Variants in ATF6 observed in about 807,000 individuals in gnomAD.
ATF6 encodes cyclic AMP-dependent transcription factor ATF-6 alpha.
ATF6 carries 53 observed loss-of-function variants against 83.6 expected under a neutral mutation model. The ratio of observed to expected loss-of-function variants is 0.63; its 90% CI spans 0.51 to 0.80. The LOEUF is 0.80. ATF6 is among the 30% of genes least tolerant of loss of function. The pLI is 0.00. For missense variants in ATF6, 744 were observed against 797.9 expected (o/e 0.93, Z 0.81); for synonymous variants, 288 against 285.8 (o/e 1.01, Z -0.08).
intron 7 of ATF6, among the ~76,000 whole-genome samples, chr1:161,813,114 A>G (rs1376637059): frequency 6.6e-6 from 1 of 152,122 alleles, no homozygotes. Flanking sequence ...AAAAAGAACA[A>G]ATTACCCAAG....
chr1:161,944,384 G>A (rs1688707663), intron 15 of ATF6, among the ~76,000 whole-genome samples: 2 of 152,166 alleles, frequency 1.3e-5, no homozygotes, highest in Non-Finnish European at 2.9e-5. Flanking sequence ...TGTCCACAAT[G>A]AAGGGACCAT....
intron 15 of ATF6, among the ~76,000 whole-genome samples, chr1:161,950,631 A>G (rs943224807): frequency 6.6e-6 from 1 of 152,208 alleles, no homozygotes; most frequent in Non-Finnish European, 1.5e-5. Context: ...TGATGACCCC[A>G]GGCTAAACCT....
At chr1:161,928,160 C>A (rs1407090677) in intron 15 of ATF6, among the ~76,000 whole-genome samples, 1 of 152,186 alleles carries the variant, frequency 6.6e-6, no homozygotes, top group Non-Finnish European at 1.5e-5. Context: ...AGAACCACAA[C>A]TGAACTTTCT....
intron 15 of ATF6, among the ~76,000 whole-genome samples, chr1:161,955,951 A>G (rs1397394538): frequency 6.6e-6 from 1 of 152,166 alleles, no homozygotes; most frequent in African/African-American, 2.4e-5. Flanking sequence ...TAAGATGACA[A>G]TGCCATTCCA....
At chr1:161,833,773 C>T (rs1304879326) in intron 9 of ATF6, among the ~76,000 whole-genome samples, 3 of 152,116 alleles carry the variant, frequency 2.0e-5, no homozygotes, top group African/African-American at 2.4e-5. Context: ...ACCAAATCTA[C>T]GTCTAATTGG....
rs2070150 is a variant in ATF6, at chr1:161,791,486, G to C, written c.433G>C (p.Ala145Pro). The change falls in exon 5 of 16, where the codon GCG becomes CCG. Residue 145 changes from alanine to proline, a missense_variant. Physicochemically the swap from Ala to Pro is conservative, Grantham distance 27 (BLOSUM62 -1). Transcript: ENST00000367942. Reference sequence around the variant, plus strand: ...TGAAAACTCTAATAGTCTCTCTTCAGCGGAGCCACTGAAGGAAGATAAGCC... The same window carrying C: ...TGAAAACTCTAATAGTCTCTCTTCACCGGAGCCACTGAAGGAAGATAAGCC... ...YGENSNSLSSAEPLKEDKPVT... is the reference protein window; with the variant it reads ...YGENSNSLSSPEPLKEDKPVT... 0.09 allele frequency: 145,362 copies of C among 1,611,170 alleles called. 12,011 individuals are homozygous for C. Among genetic ancestry groups the C allele is most frequent in the Admixed American group, 0.39 (23,060 of 59,836 alleles).
rs781537056 is a variant in ATF6, at chr1:161,848,932, CT to C, written c.1319+2367del. On this transcript the variant is annotated intron_variant, in intron 10 of 15. Coordinates refer to ENST00000367942, the MANE Select transcript of ATF6 (RefSeq NM_007348.4). ...TTGTCCTGGTATTTCTCCTATCAGA[CT>C]TTTTTTTTTTTTTTCCAAAGAATAT... Among the ~76,000 whole-genome samples the C allele has an allele frequency of 3.2e-3, 449 of 140,060 alleles. 1 individual carries two copies. Among genetic ancestry groups the C allele is most frequent in the South Asian group, 0.011 (49 of 4,406 alleles). 91.9% of individuals were successfully genotyped at this position (140,060 alleles called of 152,430 possible). A position where few individuals can be genotyped will look rare whatever the true frequency, so the allele number is the denominator to read the frequency against.
rs139295487 is a variant in ATF6, at chr1:161,938,285, T to C, written c.1805-20161T>C. ...AATTATAGGGCTCTTTTGGCTAGTGTCAAGTATAGATTTGCGTTTTGGACT... is the reference window on the plus strand; with the variant it reads ...AATTATAGGGCTCTTTTGGCTAGTGCCAAGTATAGATTTGCGTTTTGGACT... On this transcript the variant is annotated intron_variant, in intron 15 of 15. Transcript: ENST00000367942. Among the ~76,000 whole-genome samples, 254 of 152,342 alleles carry C rather than the reference T, an allele frequency of 1.7e-3. 1 individual carries two copies. The highest frequency in any genetic ancestry group is 0.015 in the Admixed American group (229 of 15,300).
rs183786059 is a variant in ATF6, at chr1:161,830,646, C to T, written c.1187+9485C>T. 9.8e-3 allele frequency among the ~76,000 whole-genome samples: 1,496 copies of T among 152,288 alleles called. 8 individuals carry two copies. Among genetic ancestry groups the T allele is most frequent in the South Asian group, 0.017 (83 of 4,824 alleles). On this transcript the variant is annotated intron_variant, in intron 9 of 15. Coordinates refer to ENST00000367942, the MANE Select transcript of ATF6 (RefSeq NM_007348.4). The stretch of plus-strand genomic sequence containing the variant: ...CAGAGCCCTCAGAAATAATACCACA[C>T]GTCTACAACCATCTGATCTTTGACA...
intron 12 of ATF6, 142 bp downstream of exon 12, chr1:161,853,465 A>G (rs918815138): frequency 1.0e-5 from 7 of 681,462 alleles, no homozygotes; most frequent in African/African-American, 5.5e-5. Context: ...CGATGCAGCT[A>G]TCATTGCCAC....
intron 9 of ATF6, among the ~76,000 whole-genome samples, chr1:161,826,053 A>G (rs960279440): frequency 6.6e-6 from 1 of 152,168 alleles, no homozygotes; most frequent in African/African-American, 2.4e-5. Context: ...AAAACCAAAT[A>G]TATTATTTCT....
intron 1 of ATF6, among the ~76,000 whole-genome samples, chr1:161,767,757 C>T (rs368253737): frequency 6.6e-5 from 10 of 152,316 alleles, no homozygotes; most frequent in Admixed American, 2.0e-4. Flanking sequence ...TTTATTCTTC[C>T]TAAGATCCCT....
intron 14 of ATF6, among the ~76,000 whole-genome samples, chr1:161,900,538 A>C (rs528154001): frequency 1.4e-4 from 21 of 152,294 alleles, no homozygotes; most frequent in African/African-American, 4.6e-4. Flanking sequence ...CTAGAAGTCT[A>C]AAAACCAAAC....
intron 14 of ATF6, among the ~76,000 whole-genome samples, chr1:161,894,078 G>T (rs555042545): frequency 6.6e-6 from 1 of 152,048 alleles, no homozygotes; most frequent in African/African-American, 2.4e-5. Context: ...CCCCTTTCTT[G>T]CAAATGGTTG....
At chr1:161,946,948 T>C (rs1688759477) in intron 15 of ATF6, among the ~76,000 whole-genome samples, 1 of 152,228 alleles carries the variant, frequency 6.6e-6, no homozygotes, top group African/African-American at 2.4e-5. Context: ...TGTTCAATTT[T>C]CTAAAATACC....
chr1:161,938,878 A>G (rs1688588912), intron 15 of ATF6, among the ~76,000 whole-genome samples: 1 of 151,992 alleles, frequency 6.6e-6, no homozygotes. Flanking sequence ...TGATAATAAT[A>G]GTGCTCACTT....
rs184059742 is a variant in ATF6, at chr1:161,790,462, A to G, written c.355-946A>G. The stretch of plus-strand genomic sequence containing the variant: ...TATTAAAAGACTTTGGGAAAATGCG[A>G]ATGTTATCTTTATGTATCTCAATCA... On this transcript the variant is annotated intron_variant, in intron 4 of 15. Coordinates refer to ENST00000367942, the MANE Select transcript of ATF6 (RefSeq NM_007348.4). 2.5e-4 allele frequency among the ~76,000 whole-genome samples: 38 copies of G among 152,260 alleles called. No individual in the cohort carries two copies. The East Asian group carries it at 7.1e-3, about 29-fold the overall frequency.
At position 161,791,405 on chromosome 1, in the gene ATF6, C is replaced by T. The variant is rs367620692; in HGVS notation, c.355-3C>T. On this transcript the variant is annotated splice_polypyrimidine_tract_variant and splice_region_variant and intron_variant, in intron 4 of 15. Coordinates refer to ENST00000367942, the MANE Select transcript of ATF6 (RefSeq NM_007348.4). ...ATTAATTTTTGTTTTTATTATGCTA[C>T]AGGAGGAGTTGGATTTGTCTTCTAG... 6.2e-5 allele frequency: 100 copies of T among 1,603,878 alleles called. No individual in the cohort carries two copies. Among genetic ancestry groups the T allele is most frequent in the Non-Finnish European group, 8.3e-5 (98 of 1,176,908 alleles).
At chr1:161,855,120 G>T (rs1216241741) in intron 12 of ATF6, among the ~76,000 whole-genome samples, 1 of 152,014 alleles carries the variant, frequency 6.6e-6, no homozygotes, top group East Asian at 1.9e-4. Context: ...TTTGAGTAGG[G>T]GAGTGACTTG....
Sources: gnomAD v4.1 joint callset for allele counts (sites outside exome capture counted in the v4.1 genomes callset) on GRCh38, gnomAD v4.1.1 for gene constraint, MANE v1.5 for transcripts, NCBI Gene and HGNC (gene_info 2026-07-23, HGNC 2026-07-21) for gene names.